The following ZPLD1 variants were observed in gnomAD, a reference collection of about 807,000 sequenced individuals.
ZPLD1 encodes zona pellucida-like domain-containing protein 1.
In ZPLD1, 34 loss-of-function variants were observed where a neutral mutation model predicts 47.2. The ratio of observed to expected loss-of-function variants is 0.72; its 90% confidence interval spans 0.55 to 0.96. The LOEUF is 0.96. Among genes scored for constraint, ZPLD1 ranks in the 40% least tolerant of loss-of-function variants. The pLI, the probability that ZPLD1 is intolerant of heterozygous loss-of-function variation, is 0.00. For missense variants in ZPLD1, 512 were observed against 505.8 expected (o/e 1.01, Z -0.12); for synonymous variants, 176 against 186.2 (o/e 0.95, Z 0.45).
chr3:102,471,018 C>A, intron 10 of ZPLD1, among the ~76,000 whole-genome samples: 1 of 152,098 alleles, frequency 6.6e-6, no homozygotes, highest in Non-Finnish European at 1.5e-5. Flanking sequence ...ACCTCATAAT[C>A]CACCCACCTT....
intron 8 of ZPLD1, among the ~76,000 whole-genome samples, chr3:102,467,146 G>A (rs1707607047): frequency 6.6e-6 from 1 of 152,018 alleles, no homozygotes; most frequent in Admixed American, 6.6e-5. Context: ...TACGCAATAA[G>A]CTATATACAG....
intron 10 of ZPLD1, among the ~76,000 whole-genome samples, chr3:102,474,786 T>C (rs1002180724): frequency 6.6e-6 from 1 of 152,138 alleles, no homozygotes; most frequent in Non-Finnish European, 1.5e-5. Flanking sequence ...GGCTTTCAAA[T>C]AGATAAATAT....
intron 10 of ZPLD1, 148 bp downstream of exon 10, chr3:102,470,650 T>C (rs1463862487): frequency 3.1e-6 from 2 of 636,882 alleles, no homozygotes; most frequent in Admixed American, 2.9e-5. Context: ...AATTTCACAG[T>C]AGTTTCCCTG....
intron 1 of ZPLD1, 149 bp downstream of exon 1, chr3:102,435,303 G>A (rs1401335277): frequency 2.5e-6 from 2 of 811,314 alleles, no homozygotes; most frequent in African/African-American, 3.5e-5. Context: ...TAAGAGATAT[G>A]GGTGTCCTTT....
chr3:102,452,141 GT>G (rs1707347656), intron 3 of ZPLD1, among the ~76,000 whole-genome samples: 2 of 151,506 alleles, frequency 1.3e-5, no homozygotes, highest in Admixed American at 1.3e-4. Context: ...GTGTGTGTGT[GT>G]GTGTGTGTGT....
At chr3:102,411,865 G>A (rs114488008) in intron 7 of ZPLD1, among the ~76,000 whole-genome samples, 1 of 151,806 alleles carries the variant, frequency 6.6e-6, no homozygotes, top group Non-Finnish European at 1.5e-5. Flanking sequence ...TATCTCTGTC[G>A]ATCTCAATGT....
intron 7 of ZPLD1, among the ~76,000 whole-genome samples, chr3:102,405,329 T>C (rs1334939438): frequency 2.0e-5 from 3 of 152,052 alleles, no homozygotes; most frequent in Non-Finnish European, 4.4e-5. Flanking sequence ...TATTTATACT[T>C]ACCTAAGAAT....
At chr3:102,453,704 A>G (rs1165365273) in intron 4 of ZPLD1, among the ~76,000 whole-genome samples, 4 of 152,232 alleles carry the variant, frequency 2.6e-5, no homozygotes, top group African/African-American at 9.6e-5. Context: ...TATCATATCC[A>G]GTCTTACCAT....
At chr3:102,466,524 TA>T (rs1235648333) in intron 8 of ZPLD1, among the ~76,000 whole-genome samples, 1 of 152,068 alleles carries the variant, frequency 6.6e-6, no homozygotes, top group Non-Finnish European at 1.5e-5. Flanking sequence ...CATTAATTTT[TA>T]AAAAGCAAAA....
At chr3:102,456,410 C>A in intron 5 of ZPLD1, 36 bp downstream of exon 5, 1 of 1,584,478 alleles carries the variant, frequency 6.3e-7, no homozygotes, top group Non-Finnish European at 8.6e-7. Context: ...TCTCATATTG[C>A]ATTTTTGCTT....
At chr3:102,442,500 TG>T (rs1293069262) in intron 3 of ZPLD1, among the ~76,000 whole-genome samples, 1 of 152,162 alleles carries the variant, frequency 6.6e-6, no homozygotes, top group Admixed American at 6.6e-5. Context: ...CCCATTTTTT[TG>T]GAGGTTGTTT....
chr3:102,431,174 G>T (rs973152081), upstream of ZPLD1, among the ~76,000 whole-genome samples: 1 of 152,188 alleles, frequency 6.6e-6, no homozygotes, highest in Non-Finnish European at 1.5e-5. Context: ...AAAGACAAAT[G>T]AGGAAGGCAG....
chr3:102,432,416 G>C (rs930494357), upstream of ZPLD1, among the ~76,000 whole-genome samples: 3 of 152,188 alleles, frequency 2.0e-5, no homozygotes, highest in Admixed American at 2.0e-4. Flanking sequence ...GGGGAAAAGT[G>C]CATAAATCTC....
chr3:102,438,850 T>C (rs1707131564), intron 3 of ZPLD1, among the ~76,000 whole-genome samples: 1 of 152,132 alleles, frequency 6.6e-6, no homozygotes. Flanking sequence ...TGTAAAAAAT[T>C]GGGAGAGACT....
intron 7 of ZPLD1, among the ~76,000 whole-genome samples, chr3:102,410,547 G>T (rs1324796638): frequency 6.6e-6 from 1 of 151,518 alleles, no homozygotes; most frequent in Non-Finnish European, 1.5e-5. Context: ...CACCAAAAAA[G>T]AAAGAAAAAA....
intron 7 of ZPLD1, among the ~76,000 whole-genome samples, chr3:102,392,566 C>T (rs1263086782): frequency 6.6e-6 from 1 of 150,962 alleles, no homozygotes; most frequent in Non-Finnish European, 1.5e-5. Context: ...CTCCTTCCTC[C>T]TTCCTCCTTC....
At chr3:102,459,731 A>G (rs1316552276) in intron 6 of ZPLD1, among the ~76,000 whole-genome samples, 1 of 152,300 alleles carries the variant, frequency 6.6e-6, no homozygotes, top group Non-Finnish European at 1.5e-5. Flanking sequence ...AGTTGATTAG[A>G]AAGTACAGAG....
intron 7 of ZPLD1, among the ~76,000 whole-genome samples, chr3:102,416,478 A>T (rs971777529): frequency 3.4e-4 from 51 of 152,062 alleles, no homozygotes; most frequent in African/African-American, 1.2e-3. Context: ...TTCAAAGCGA[A>T]ACCTGAAACA....
At chr3:102,462,228 A>G (rs1449092807) in intron 6 of ZPLD1, 53 bp from the exon 7 acceptor site, 2 of 1,085,874 alleles carry the variant, frequency 1.8e-6, no homozygotes, top group East Asian at 2.4e-5. Flanking sequence ...TTAAGTAGTA[A>G]GTGTGCTGTT....
Sources: gnomAD v4.1 joint callset for allele counts (sites outside exome capture counted in the v4.1 genomes callset) on GRCh38, gnomAD v4.1.1 for gene constraint, MANE v1.5 for transcripts, NCBI Gene and HGNC (gene_info 2026-07-23, HGNC 2026-07-21) for gene names.